GBE1: variants seen among roughly 807,000 people sequenced by gnomAD.
GBE1 encodes the protein 1,4-alpha-glucan branching enzyme 1.
GBE1 carries 70 observed loss-of-function variants against 88.8 expected under a neutral mutation model. The observed-to-expected ratio is 0.79, with a 90% confidence interval of 0.65 to 0.96. The LOEUF (loss-of-function observed/expected upper bound fraction) is 0.96. Among genes scored for constraint, GBE1 ranks in the 40% least tolerant of loss-of-function variants. The pLI, the probability that GBE1 is intolerant of heterozygous loss-of-function variation, is 0.00. For synonymous variants in GBE1, 284 were observed against 300.1 expected (o/e 0.95, Z 0.56); for missense variants, 872 against 871.0 (o/e 1.00, Z -0.01).
Position 81,490,380 on chromosome 3 carries a change from A to G in GBE1, c.*27T>C. On this transcript the variant is annotated 3_prime_UTR_variant, in exon 16 of 16. Coordinates refer to ENST00000429644, the MANE Select transcript of GBE1 (RefSeq NM_000158.4). ...ACAAGAAAACAAAACACAAATCTGCATCTGGTGGAGCTGAAATCAGGCCTC... is the reference window on the plus strand; with the variant it reads ...ACAAGAAAACAAAACACAAATCTGCGTCTGGTGGAGCTGAAATCAGGCCTC... 1 of 1,589,048 alleles carries G rather than the reference A, an allele frequency of 6.3e-7. No individual in the cohort carries two copies. The highest frequency in any genetic ancestry group is 1.1e-5 in the South Asian group (1 of 90,482).
chr3:81,749,121 A>G (rs1011787893), intron 1 of GBE1, among the ~76,000 whole-genome samples: 2 of 152,056 alleles, frequency 1.3e-5, no homozygotes, highest in African/African-American at 4.8e-5. Flanking sequence ...TCTCAGAGAA[A>G]TAAAACCTAT....
intron 1 of GBE1, among the ~76,000 whole-genome samples, chr3:81,730,970 C>T (rs1706177491): frequency 6.6e-6 from 1 of 152,136 alleles, no homozygotes; most frequent in South Asian, 2.1e-4. Flanking sequence ...GGTTTTACAT[C>T]ACTTGATGAT....
intron 14 of GBE1, among the ~76,000 whole-genome samples, chr3:81,519,747 T>G (rs1416136975): frequency 6.6e-6 from 1 of 151,418 alleles, no homozygotes; most frequent in Non-Finnish European, 1.5e-5. Flanking sequence ...GCTTTAAAAT[T>G]ATTTTTCTTC....
At chr3:81,554,224 C>A (rs938442504) in intron 12 of GBE1, among the ~76,000 whole-genome samples, 2 of 152,072 alleles carry the variant, frequency 1.3e-5, no homozygotes, top group South Asian at 2.1e-4. Context: ...AAACTGAATT[C>A]AGATTTTTTG....
intron 3 of GBE1, among the ~76,000 whole-genome samples, chr3:81,665,643 TG>T (rs1705104913): frequency 6.6e-6 from 1 of 152,218 alleles, no homozygotes; most frequent in South Asian, 2.1e-4. Context: ...TCTTGGGATA[TG>T]TTAATGGTTA....
chr3:81,610,896 C>T (rs1348001430), intron 7 of GBE1, among the ~76,000 whole-genome samples: 15 of 152,006 alleles, frequency 9.9e-5, no homozygotes, highest in Admixed American at 9.8e-4. Flanking sequence ...TAACATAAAC[C>T]TTCATTCACT....
intron 6 of GBE1, among the ~76,000 whole-genome samples, chr3:81,644,346 G>T (rs1218052772): frequency 1.3e-5 from 2 of 152,082 alleles, no homozygotes; most frequent in Admixed American, 1.3e-4. Context: ...CATGGAAAAG[G>T]CAACATTTGA....
At chr3:81,528,735 G>A (rs1156431794) in intron 14 of GBE1, among the ~76,000 whole-genome samples, 1 of 151,802 alleles carries the variant, frequency 6.6e-6, no homozygotes, top group Non-Finnish European at 1.5e-5. Context: ...GACCTTATTT[G>A]TCTCTTTTTA....
At chr3:81,619,605 G>A (rs1041724497) in intron 7 of GBE1, among the ~76,000 whole-genome samples, 4 of 151,928 alleles carry the variant, frequency 2.6e-5, no homozygotes, top group African/African-American at 7.2e-5. Flanking sequence ...TCATTTCATG[G>A]GGGCTCATTA....
chr3:81,625,522 T>G (rs1394319808), intron 7 of GBE1, among the ~76,000 whole-genome samples: 1 of 152,034 alleles, frequency 6.6e-6, no homozygotes, highest in African/African-American at 2.4e-5. Flanking sequence ...CACTGCAGCC[T>G]CGGACTCTTG....
At chr3:81,735,495 G>GA (rs1559703036) in intron 1 of GBE1, among the ~76,000 whole-genome samples, 1 of 151,992 alleles carries the variant, frequency 6.6e-6, no homozygotes, top group Non-Finnish European at 1.5e-5. Context: ...CAGGAAGTGG[G>GA]AAAATCACAG....
At chr3:81,494,732 A>T (rs62265397) in intron 15 of GBE1, among the ~76,000 whole-genome samples, 35,440 of 152,044 alleles carry the variant, frequency 0.23, 4,315 homozygotes, top group East Asian at 0.43. Flanking sequence ...AGTACAATCC[A>T]ATTCATTTAT....
chr3:81,654,428 C>T (rs1209028964), intron 3 of GBE1, among the ~76,000 whole-genome samples: 1 of 151,948 alleles, frequency 6.6e-6, no homozygotes, highest in Non-Finnish European at 1.5e-5. Context: ...ATAATATGTT[C>T]CTTAGGTGGC....
intron 12 of GBE1, among the ~76,000 whole-genome samples, chr3:81,574,048 C>T (rs1189973904): frequency 6.6e-6 from 1 of 152,134 alleles, no homozygotes; most frequent in African/African-American, 2.4e-5. Context: ...GACTAAAAAA[C>T]TCAGAAGGTA....
intron 1 of GBE1, among the ~76,000 whole-genome samples, chr3:81,711,201 T>C (rs539753993): frequency 1.5e-4 from 23 of 152,306 alleles, no homozygotes; most frequent in Middle Eastern, 6.8e-3. Context: ...CAAGTGCTTC[T>C]GAGCAGGCCA....
intron 11 of GBE1, among the ~76,000 whole-genome samples, chr3:81,578,359 G>T (rs1469110857): frequency 6.6e-6 from 1 of 151,860 alleles, no homozygotes; most frequent in East Asian, 1.9e-4. Context: ...TCATGATAAG[G>T]TACCTGAATA....
chr3:81,706,695 A>C (rs190989862), intron 1 of GBE1, among the ~76,000 whole-genome samples: 71 of 152,276 alleles, frequency 4.7e-4, no homozygotes, highest in African/African-American at 1.4e-3. Flanking sequence ...GCTACATAGA[A>C]AATGGACCTT....
intron 12 of GBE1, among the ~76,000 whole-genome samples, chr3:81,575,888 TA>T (rs1299190988): frequency 2.6e-5 from 4 of 151,938 alleles, no homozygotes; most frequent in South Asian, 4.2e-4. Context: ...TTTGTTACTT[TA>T]AAAAAAATGC....
In GBE1 at chr3:81,553,211, T is replaced by C. The variant is rs535829329; in HGVS notation, c.1619-16116A>G. 2.0e-5 allele frequency among the ~76,000 whole-genome samples: 3 copies of C among 152,344 alleles called. No individual in the cohort carries two copies. In the East Asian group the frequency reaches 5.8e-4, roughly 29 times the overall value. Reference sequence around the variant, plus strand: ...ACCTCTGCTTTCTTTGTACCTTGCATATGCTGCTACTATTGGTGTTATGAT... The same window carrying C: ...ACCTCTGCTTTCTTTGTACCTTGCACATGCTGCTACTATTGGTGTTATGAT... On this transcript the variant is annotated intron_variant, in intron 12 of 15. Transcript: ENST00000429644.
Sources: gnomAD v4.1 joint callset for allele counts (sites outside exome capture counted in the v4.1 genomes callset) on GRCh38, gnomAD v4.1.1 for gene constraint, MANE v1.5 for transcripts, NCBI Gene and HGNC (gene_info 2026-07-23, HGNC 2026-07-21) for gene names.